Variants in EXOC6B observed in about 807,000 individuals in gnomAD.
EXOC6B encodes the protein exocyst complex component 6B.
In EXOC6B, 54 loss-of-function variants were observed where a neutral mutation model predicts 113.5. The ratio of observed to expected loss-of-function variants is 0.48; its 90% confidence interval spans 0.38 to 0.60. EXOC6B has a LOEUF of 0.60. Ranked by LOEUF, EXOC6B falls within the 20% of genes least tolerant of loss-of-function variation. The probability of loss-of-function intolerance (pLI) is 0.00; values close to 1 mark genes in which losing one functional copy is unlikely to be tolerated. For synonymous variants in EXOC6B, 357 were observed against 339.0 expected (o/e 1.05, Z -0.58); for missense variants, 797 against 977.5 (o/e 0.82, Z 2.46).
chr2:72,345,143 C>A (rs1282792428), intron 19 of EXOC6B, among the ~76,000 whole-genome samples: 1 of 152,088 alleles, frequency 6.6e-6, no homozygotes, highest in Non-Finnish European at 1.5e-5. Context: ...TAAAAGTTAA[C>A]CACACTTTAA....
At chr2:72,701,140 C>T (rs1678305523) in intron 6 of EXOC6B, among the ~76,000 whole-genome samples, 1 of 151,672 alleles carries the variant, frequency 6.6e-6, no homozygotes, top group Non-Finnish European at 1.5e-5. Context: ...TCAAGGAGAT[C>T]AAGACCATCC....
At chr2:72,205,123 G>A (rs1055719887) in intron 20 of EXOC6B, among the ~76,000 whole-genome samples, 1 of 152,052 alleles carries the variant, frequency 6.6e-6, no homozygotes, top group East Asian at 1.9e-4. Flanking sequence ...GAAGAGAGAG[G>A]GCATGAGGCA....
At chr2:72,402,418 C>T (rs917893090) in intron 18 of EXOC6B, among the ~76,000 whole-genome samples, 1 of 152,086 alleles carries the variant, frequency 6.6e-6, no homozygotes, top group African/African-American at 2.4e-5. Flanking sequence ...TATATTTTCC[C>T]ATGAATTCAC....
intron 20 of EXOC6B, among the ~76,000 whole-genome samples, chr2:72,220,660 A>G (rs6717899): frequency 0.14 from 21,148 of 152,090 alleles, 1,939 homozygotes; most frequent in African/African-American, 0.26. Flanking sequence ...GAAATTCGTG[A>G]CAACATCATA....
intron 16 of EXOC6B, among the ~76,000 whole-genome samples, chr2:72,486,029 A>AACAAT (rs1699403868): frequency 1.3e-5 from 2 of 152,262 alleles, no homozygotes; most frequent in Non-Finnish European, 2.9e-5. Flanking sequence ...ACTAGTATTG[A>AACAAT]TATGAACTGA....
In EXOC6B at chr2:72,464,972, G is replaced by A. The variant is rs140752915; in HGVS notation, c.1980+188C>T. On this transcript the variant is annotated intron_variant, in intron 18 of 21. Coordinates refer to ENST00000272427, the MANE Select transcript of EXOC6B (RefSeq NM_015189.3). ...GGAACCATTTTCAGATGAAAAAAAT[G>A]CAAAGGTCAATGAAAAAATGATGGA... 1.0e-4 allele frequency: 61 copies of A among 589,086 alleles called. No individual in the cohort carries two copies. The African/African-American group carries it at 1.1e-3, about 11-fold the overall frequency. The allele number at this position is 589,086 out of a possible 1,614,324, so 36.5% of individuals were successfully genotyped here.
rs555101990 is a variant in EXOC6B at position 72,619,641 on chromosome 2, G to A, written c.670-43973C>T. Among the ~76,000 whole-genome samples the A allele has an allele frequency of 4.5e-4, 68 of 152,286 alleles. 1 individual carries two copies. The highest frequency in any genetic ancestry group is 1.5e-3 in the African/African-American group (61 of 41,566). Reference sequence around the variant, plus strand: ...AGAGAAAACATCAAGAATAGTGAGAGAGTCAGCACCAAAGTCGAGATTGAA... The same window carrying A: ...AGAGAAAACATCAAGAATAGTGAGAAAGTCAGCACCAAAGTCGAGATTGAA... On this transcript the variant is annotated intron_variant, in intron 6 of 21. Transcript: ENST00000272427.
rs150502411 is a variant in EXOC6B, at chr2:72,408,189, C to T, written c.1981-28319G>A. Among the ~76,000 whole-genome samples, 1,171 of 152,272 alleles carry T rather than the reference C, an allele frequency of 7.7e-3. 9 individuals are homozygous for T. The highest frequency in any genetic ancestry group is 0.024 in the Middle Eastern group (7 of 294). On this transcript the variant is annotated intron_variant, in intron 18 of 21. Coordinates refer to ENST00000272427, the MANE Select transcript of EXOC6B (RefSeq NM_015189.3). Reference sequence around the variant, plus strand: ...TGAAGGACCTCTTCAAGGAGAACTACAAACCACTGCTCAGTGAAATAAAAA... The same window carrying T: ...TGAAGGACCTCTTCAAGGAGAACTATAAACCACTGCTCAGTGAAATAAAAA...
At chr2:72,373,958 T>TA in intron 19 of EXOC6B, among the ~76,000 whole-genome samples, 1 of 151,964 alleles carries the variant, frequency 6.6e-6, no homozygotes. Flanking sequence ...CCATCTCTGC[T>TA]AAAAAATACA....
chr2:72,280,276 A>C (rs1449485213), intron 20 of EXOC6B, among the ~76,000 whole-genome samples: 1 of 152,096 alleles, frequency 6.6e-6, no homozygotes, highest in East Asian at 1.9e-4. Context: ...CTGCTTCATA[A>C]ATTAATTCAG....
At chr2:72,298,862 C>G (rs1293759861) in intron 20 of EXOC6B, among the ~76,000 whole-genome samples, 1 of 152,188 alleles carries the variant, frequency 6.6e-6, no homozygotes, top group Non-Finnish European at 1.5e-5. Context: ...CGCTGTTAGT[C>G]TGTTGGGATT....
intron 20 of EXOC6B, among the ~76,000 whole-genome samples, chr2:72,269,084 C>T (rs893161897): frequency 7.9e-5 from 12 of 152,056 alleles, no homozygotes; most frequent in African/African-American, 2.7e-4. Context: ...GGATCAAACA[C>T]GATGTTATAT....
intron 19 of EXOC6B, among the ~76,000 whole-genome samples, chr2:72,338,834 T>A (rs1688852502): frequency 6.6e-6 from 1 of 152,020 alleles, no homozygotes; most frequent in South Asian, 2.1e-4. Flanking sequence ...TGTTTTTTTT[T>A]CTTCTTTATA....
At chr2:72,447,768 T>C (rs1696674140) in intron 18 of EXOC6B, among the ~76,000 whole-genome samples, 1 of 152,234 alleles carries the variant, frequency 6.6e-6, no homozygotes, top group South Asian at 2.1e-4. Context: ...TTCCTTGTAC[T>C]TGTACTTTGT....
At chr2:72,446,413 G>A (rs1015647046) in intron 18 of EXOC6B, among the ~76,000 whole-genome samples, 1 of 151,796 alleles carries the variant, frequency 6.6e-6, no homozygotes, top group Non-Finnish European at 1.5e-5. Context: ...AGAAAAGGTG[G>A]TATATATACA....
intron 20 of EXOC6B, among the ~76,000 whole-genome samples, chr2:72,240,293 C>T (rs767067708): frequency 1.7e-4 from 26 of 152,080 alleles, no homozygotes; most frequent in South Asian, 4.1e-4. Flanking sequence ...AAGCAGTTTT[C>T]GAAAGGTTTA....
chr2:72,591,815 C>T (rs1705984135), intron 6 of EXOC6B, among the ~76,000 whole-genome samples: 1 of 151,930 alleles, frequency 6.6e-6, no homozygotes, highest in Admixed American at 6.6e-5. Context: ...CTAGAAATAT[C>T]ATTATGTAGC....
chr2:72,535,750 A>G (rs1224178495), intron 8 of EXOC6B, among the ~76,000 whole-genome samples: 1 of 151,922 alleles, frequency 6.6e-6, no homozygotes, highest in African/African-American at 2.4e-5. Flanking sequence ...CATGTCTGTA[A>G]TCCTAGCTAC....
chr2:72,263,245 G>A (rs1210560534), intron 20 of EXOC6B: 1 of 152,184 alleles, frequency 6.6e-6, no homozygotes, highest in African/African-American at 2.4e-5. Flanking sequence ...GTTTCTGTAT[G>A]GTCAGCTGTG....
Sources: gnomAD v4.1 joint callset for allele counts (sites outside exome capture counted in the v4.1 genomes callset) on GRCh38, gnomAD v4.1.1 for gene constraint, MANE v1.5 for transcripts, NCBI Gene and HGNC (gene_info 2026-07-23, HGNC 2026-07-21) for gene names.